Variants in CCDC30 observed in about 807,000 individuals in gnomAD.
CCDC30 encodes coiled-coil domain-containing protein 30.
In CCDC30, 70 loss-of-function variants were observed where a neutral mutation model predicts 100.2. The observed-to-expected ratio is 0.70, with a 90% CI of 0.58 to 0.85. The LOEUF is 0.85. CCDC30 is among the 40% of genes least tolerant of loss of function. The pLI is 0.00. For synonymous variants in CCDC30, 233 were observed against 269.5 expected (o/e 0.86, Z 1.33); for missense variants, 652 against 771.2 (o/e 0.85, Z 1.83).
chr1:42,568,161 C>CTGAA (rs1645646837), intron 7 of CCDC30, among the ~76,000 whole-genome samples: 1 of 152,158 alleles, frequency 6.6e-6, no homozygotes, highest in Admixed American at 6.5e-5. Flanking sequence ...GTCACCCATG[C>CTGAA]TGAAGTGCAG....
At chr1:42,486,206 A>G (rs1359835886) in intron 3 of CCDC30, among the ~76,000 whole-genome samples, 1 of 152,224 alleles carries the variant, frequency 6.6e-6, no homozygotes, top group Non-Finnish European at 1.5e-5. Context: ...AGTAGCCAAG[A>G]GTTAGAAACA....
chr1:42,641,963 C>T (rs148294847), intron 12 of CCDC30, among the ~76,000 whole-genome samples: 3,220 of 152,168 alleles, frequency 0.021, 117 homozygotes, highest in African/African-American at 0.073. Context: ...TGGTGGCTCA[C>T]GCCTGTAATC....
intron 6 of CCDC30, among the ~76,000 whole-genome samples, chr1:42,563,734 G>T (rs367639395): frequency 1.6e-4 from 24 of 152,184 alleles, no homozygotes; most frequent in Admixed American, 9.8e-4. Flanking sequence ...AACATTAGCT[G>T]GGCATGGTGG....
chr1:42,458,422 T>TA (rs1643301778), upstream of CCDC30, among the ~76,000 whole-genome samples: 1 of 152,162 alleles, frequency 6.6e-6, no homozygotes, highest in Non-Finnish European at 1.5e-5. Context: ...GAGAAACTCT[T>TA]ATCTGTGGGG....
intron 11 of CCDC30, among the ~76,000 whole-genome samples, chr1:42,635,937 G>C (rs1258108503): frequency 1.3e-5 from 2 of 151,950 alleles, no homozygotes; most frequent in Non-Finnish European, 2.9e-5. Flanking sequence ...TTGCATCCTT[G>C]TCAGCACTTG....
At chr1:42,476,213 C>A (rs1385774108) in intron 1 of CCDC30, among the ~76,000 whole-genome samples, 2 of 152,148 alleles carry the variant, frequency 1.3e-5, no homozygotes, top group Non-Finnish European at 2.9e-5. Context: ...AATTTCATCT[C>A]CTGCTTTTAA....
chr1:42,553,673 A>ACACACACG (rs1645305621), intron 6 of CCDC30, among the ~76,000 whole-genome samples: 1 of 151,356 alleles, frequency 6.6e-6, no homozygotes, highest in African/African-American at 2.4e-5. Flanking sequence ...ACACACACAC[A>ACACACACG]CACACACACA....
intron 1 of CCDC30, chr1:42,473,143 A>C: frequency 8.1e-7 from 1 of 1,229,652 alleles, no homozygotes; most frequent in Non-Finnish European, 1.0e-6. Flanking sequence ...GTTAGAAGAC[A>C]TACTTCACCA....
At chr1:42,559,541 CAAAG>C (rs888792937) in intron 6 of CCDC30, among the ~76,000 whole-genome samples, 5 of 152,050 alleles carry the variant, frequency 3.3e-5, no homozygotes, top group African/African-American at 9.7e-5. Flanking sequence ...TCAAAAAAGA[CAAAG>C]AAGGGCATTA....
intron 1 of CCDC30, chr1:42,473,404 T>C (rs1643830588): frequency 1.5e-6 from 1 of 688,132 alleles, no homozygotes; most frequent in Non-Finnish European, 2.0e-6. Context: ...TATCACTGTA[T>C]AGTTTGAAAA....
chr1:42,564,138 C>T (rs1370530527), intron 6 of CCDC30, among the ~76,000 whole-genome samples: 1 of 152,132 alleles, frequency 6.6e-6, no homozygotes, highest in African/African-American at 2.4e-5. Context: ...ACTAAGGAAA[C>T]TCTAAGAATA....
chr1:42,642,182 C>T (rs761031742), intron 12 of CCDC30, among the ~76,000 whole-genome samples: 1 of 151,686 alleles, frequency 6.6e-6, no homozygotes. Flanking sequence ...GCAGAGATCA[C>T]GCCACTGTAT....
intron 16 of CCDC30, 133 bp downstream of exon 20, chr1:42,653,576 T>C (rs1330372883): frequency 1.5e-6 from 1 of 664,482 alleles, no homozygotes; most frequent in Non-Finnish European, 2.7e-6. Context: ...TCATTTTCTC[T>C]ACATGAATTA....
chr1:42,489,069 T>C (rs1315520136), intron 3 of CCDC30, among the ~76,000 whole-genome samples: 3 of 152,196 alleles, frequency 2.0e-5, no homozygotes, highest in African/African-American at 7.2e-5. Flanking sequence ...TTCCAGAATA[T>C]CCTTTCCACC....
intron 7 of CCDC30, among the ~76,000 whole-genome samples, chr1:42,573,061 T>C (rs1384506322): frequency 6.6e-6 from 1 of 152,246 alleles, no homozygotes; most frequent in Non-Finnish European, 1.5e-5. Flanking sequence ...TTGTTCTTCT[T>C]TTCTGGGATA....
intron 6 of CCDC30, among the ~76,000 whole-genome samples, chr1:42,563,754 G>A (rs1645546749): frequency 6.6e-6 from 1 of 152,022 alleles, no homozygotes; most frequent in Non-Finnish European, 1.5e-5. Context: ...GCACGCACCT[G>A]TAATCCCAGC....
intron 4 of CCDC30, among the ~76,000 whole-genome samples, chr1:42,495,264 C>A (rs1557804735): frequency 6.6e-6 from 1 of 151,620 alleles, no homozygotes; most frequent in Non-Finnish European, 1.5e-5. Flanking sequence ...GAACAAAAAA[C>A]CAAACACCAC....
chr1:42,552,312 C>T (rs1205674175), intron 6 of CCDC30, among the ~76,000 whole-genome samples: 3 of 152,136 alleles, frequency 2.0e-5, no homozygotes, highest in Non-Finnish European at 2.9e-5. Flanking sequence ...ACTCCTTGAC[C>T]GCCATGCTCT....
chr1:42,465,980 A>G (rs576629192), intron 1 of CCDC30, among the ~76,000 whole-genome samples: 2 of 152,254 alleles, frequency 1.3e-5, no homozygotes, highest in East Asian at 3.9e-4. Flanking sequence ...TTCACTTTAT[A>G]TTTTAAACAT....
Sources: gnomAD v4.1 joint callset for allele counts (sites outside exome capture counted in the v4.1 genomes callset) on GRCh38, gnomAD v4.1.1 for gene constraint, MANE v1.5 for transcripts, NCBI Gene and HGNC (gene_info 2026-07-23, HGNC 2026-07-21) for gene names.